Variants in LRRN2 observed in about 807,000 individuals in gnomAD.
LRRN2 encodes the protein leucine rich repeat neuronal 2, also known as leucine-rich repeat neuronal protein 2.
LRRN2 carries 10 observed loss-of-function variants against 35.7 expected under a neutral mutation model. The observed-to-expected ratio is 0.28, with a 90% CI of 0.17 to 0.47. The LOEUF is 0.47. LRRN2 is among the 20% of genes least tolerant of loss of function. LRRN2 has a pLI of 0.99. For synonymous variants in LRRN2, 391 were observed against 409.6 expected (o/e 0.95, Z 0.55); for missense variants, 731 against 940.3 (o/e 0.78, Z 2.91).
chr1:204,652,283 C>T (rs1668253363), intron 1 of LRRN2, among the ~76,000 whole-genome samples: 1 of 138,806 alleles, frequency 7.2e-6, no homozygotes, highest in South Asian at 2.6e-4. Flanking sequence ...CCCCCCGCCG[C>T]CTTCCTCCTT....
At chr1:204,654,055 G>T (rs1052831033) in intron 1 of LRRN2, among the ~76,000 whole-genome samples, 4 of 138,192 alleles carry the variant, frequency 2.9e-5, no homozygotes, top group African/African-American at 1.1e-4. Flanking sequence ...AAAAAAAAAA[G>T]GATCTAGAGA....
Position 204,619,572 on chromosome 1 carries a change from C to T in LRRN2, c.421G>A (p.Ala141Thr). Reference sequence around the variant, plus strand: ...TTGAGATAGAGTTCCTGTAGGCTGGCCAGCCCTGCAAAGCTGTGGTCCTCC... The same window carrying T: ...TTGAGATAGAGTTCCTGTAGGCTGGTCAGCCCTGCAAAGCTGTGGTCCTCC... ...RLEDHSFAGL[A>T]SLQELYLNHN... The change falls in exon 2 of 2, where the codon GCC (alanine) becomes ACC (threonine). Residue 141 changes from alanine to threonine, a missense_variant. Physicochemically the swap from Ala to Thr is moderately conservative, Grantham distance 58. Around this residue, in one of 3 missense-constraint regions of LRRN2, gnomAD observed 246 missense variants for 289.5 expected, o/e 0.85. Coordinates refer to ENST00000367177, the MANE Select transcript of LRRN2 (RefSeq NM_201630.2). 1 of 1,598,724 alleles carries T rather than the reference C, an allele frequency of 6.3e-7. No individual in the cohort carries two copies. Among genetic ancestry groups the T allele is most frequent in the East Asian group, 2.3e-5 (1 of 44,024 alleles).
chr1:204,645,354 A>T (rs1668080489), intron 1 of LRRN2, among the ~76,000 whole-genome samples: 2 of 152,228 alleles, frequency 1.3e-5, no homozygotes, highest in African/African-American at 2.4e-5. Flanking sequence ...GGAAAGGCTC[A>T]TGCTAAAACT....
intron 1 of LRRN2, among the ~76,000 whole-genome samples, chr1:204,672,529 A>AGGGCCCCAGCTATCTCTGAC (rs1334350035): frequency 6.6e-6 from 1 of 152,172 alleles, no homozygotes; most frequent in Non-Finnish European, 1.5e-5. Flanking sequence ...GATGCTCTCC[A>AGGGCCCCAGCTATCTCTGAC]GGGCCCCAGC....
rs745814419 is a variant in LRRN2 at position 204,618,559 on chromosome 1, G to A, written c.1434C>T (p.Pro478=). The A allele has an allele frequency of 2.3e-5, 37 of 1,613,956 alleles. No individual in the cohort carries two copies. Among genetic ancestry groups the A allele is most frequent in the East Asian group, 8.9e-5 (4 of 44,878 alleles). Reference sequence around the variant, plus strand: ...CCCTCCGCAGCTCCAGGGTCCCCTCGGGGTACACCCGGTACCTCCTGCCTG... The same window carrying A: ...CCCTCCGCAGCTCCAGGGTCCCCTCAGGGTACACCCGGTACCTCCTGCCTG... ...AHAGRRYRVY[P]EGTLELRRVT... is the part of the protein sequence containing the mutation. The change falls in exon 2 of 2, where the codon CCC becomes CCT. Residue 478 remains proline (P), a synonymous_variant. Coordinates refer to ENST00000367177, the MANE Select transcript of LRRN2 (RefSeq NM_201630.2).
At chr1:204,679,632 G>A (rs1668897148) in intron 1 of LRRN2, among the ~76,000 whole-genome samples, 1 of 152,184 alleles carries the variant, frequency 6.6e-6, no homozygotes, top group Non-Finnish European at 1.5e-5. Context: ...CCTTGTTAGA[G>A]CTATCCCACT....
At chr1:204,667,034 C>CTG (rs1057351445) in intron 1 of LRRN2, among the ~76,000 whole-genome samples, 1 of 143,946 alleles carries the variant, frequency 6.9e-6, no homozygotes, top group African/African-American at 2.5e-5. Context: ...TATATAACAA[C>CTG]TGTGAAACAA....
At chr1:204,683,435 A>C (rs138685088) in intron 1 of LRRN2, among the ~76,000 whole-genome samples, 1 of 151,708 alleles carries the variant, frequency 6.6e-6, no homozygotes, top group African/African-American at 2.4e-5. Context: ...TAGAGGAGGA[A>C]AGTGAAGAGT....
intron 1 of LRRN2, chr1:204,664,239 T>A (rs1668529725): frequency 6.6e-6 from 1 of 152,378 alleles, no homozygotes. Flanking sequence ...CCGCCAGCAC[T>A]ATTATGCATT....
chr1:204,648,378 G>A (rs181476031), intron 1 of LRRN2, among the ~76,000 whole-genome samples: 1 of 152,210 alleles, frequency 6.6e-6, no homozygotes, highest in Admixed American at 6.5e-5. Flanking sequence ...GAAGAAGCCT[G>A]AAAGAGAATC....
chr1:204,626,491 A>G (rs79946877), intron 1 of LRRN2, among the ~76,000 whole-genome samples: 4,229 of 149,308 alleles, frequency 0.028, 145 homozygotes, highest in East Asian at 0.083. Flanking sequence ...CAACTATTCA[A>G]CTCCTCTTCA....
chr1:204,646,575 A>C (rs905676874), intron 1 of LRRN2, among the ~76,000 whole-genome samples: 1 of 152,102 alleles, frequency 6.6e-6, no homozygotes, highest in African/African-American at 2.4e-5. Flanking sequence ...TTCTCCCTTC[A>C]TGAGAACCTG....
intron 1 of LRRN2, among the ~76,000 whole-genome samples, chr1:204,683,679 C>T (rs560299529): frequency 7.2e-4 from 110 of 152,258 alleles, no homozygotes; most frequent in African/African-American, 2.6e-3. Context: ...CTGGGCAGAC[C>T]TCAATCTCCC....
chr1:204,633,080 G>T (rs1667750529), intron 1 of LRRN2: 1 of 152,042 alleles, frequency 6.6e-6, no homozygotes, highest in African/African-American at 2.4e-5. Context: ...AGGTCATGAA[G>T]AAATAAATTA....
Position 204,620,228 on chromosome 1 carries a change from G to A in LRRN2, c.-226-10C>T. The A allele has an allele frequency of 7.0e-7, 1 of 1,435,948 alleles. No individual in the cohort carries two copies. Among genetic ancestry groups the A allele is most frequent in the Non-Finnish European group, 9.2e-7 (1 of 1,092,814 alleles). 89.0% of individuals were successfully genotyped at this position (1,435,948 alleles called of 1,614,324 possible). ...CCCATCAGGGGCAGCCCTGGAAGAA[G>A]AGGATGCAGAGTTAAGGAGGTTGCA... On this transcript the variant is annotated splice_polypyrimidine_tract_variant and intron_variant, in intron 1 of 1. Transcript: ENST00000367177.
At chr1:204,684,051 G>C (rs1286400770) in intron 1 of LRRN2, among the ~76,000 whole-genome samples, 1 of 152,216 alleles carries the variant, frequency 6.6e-6, no homozygotes, top group East Asian at 1.9e-4. Context: ...CTTATTCAGG[G>C]ACAAAACGCT....
In LRRN2 at chr1:204,620,022, C is replaced by T. The variant is rs3789043; in HGVS notation, c.-30G>A. Reference sequence around the variant, plus strand: ...GAGCTGCAGGGCAGGGGACCATTCACAAGAAGAGTCTGGAGTCCTGCTCTT... The same window carrying T: ...GAGCTGCAGGGCAGGGGACCATTCATAAGAAGAGTCTGGAGTCCTGCTCTT... On this transcript the variant is annotated 5_prime_UTR_variant, in exon 2 of 2. The change creates a new upstream start codon in the 5' untranslated region. Transcript: ENST00000367177. The T allele has an allele frequency of 7.4e-3, 11,704 of 1,583,558 alleles. 424 individuals are homozygous for T. The East Asian group carries it at 0.083, about 11-fold the overall frequency.
At chr1:204,653,014 A>C (rs988775934) in intron 1 of LRRN2, among the ~76,000 whole-genome samples, 1 of 152,226 alleles carries the variant, frequency 6.6e-6, no homozygotes, top group South Asian at 2.1e-4. Context: ...TCCTCAGGTC[A>C]GAGCTTCTGC....
intron 1 of LRRN2, among the ~76,000 whole-genome samples, chr1:204,644,415 C>T (rs917534710): frequency 1.3e-5 from 2 of 152,108 alleles, no homozygotes; most frequent in African/African-American, 2.4e-5. Flanking sequence ...GCAGCTCCCC[C>T]GACAGCCCCA....
Sources: allele counts gnomAD v4.1 joint callset (sites outside exome capture counted in the v4.1 genomes callset), GRCh38; gene constraint gnomAD v4.1.1; regional missense constraint gnomAD v4.1.1; transcripts MANE v1.5; gene names NCBI Gene and HGNC (gene_info 2026-07-23, HGNC 2026-07-21).